The following LCP1 variants were observed in gnomAD, a reference collection of about 807,000 sequenced individuals.
LCP1 encodes lymphocyte cytosolic protein 1.
A neutral mutation model predicts 72.0 loss-of-function variants in LCP1; 23 were observed. The ratio of observed to expected loss-of-function variants is 0.32; its 90% CI spans 0.23 to 0.45. The LOEUF (loss-of-function observed/expected upper bound fraction) is 0.45, where lower values mean the gene tolerates loss of function less well. LCP1 is among the 20% of genes least tolerant of loss of function. LCP1 has a pLI of 1.00. For missense variants in LCP1, 571 were observed against 748.3 expected (o/e 0.76, Z 2.76); for synonymous variants, 245 against 275.4 (o/e 0.89, Z 1.09).
intron 1 of LCP1, chr13:46,168,603 T>C (rs1015599118): frequency 1.3e-5 from 2 of 152,442 alleles, no homozygotes; most frequent in Admixed American, 6.5e-5. Context: ...ACCTGTTTTA[T>C]GGGATGTTAC....
At chr13:46,159,825 G>T (rs1231945543) in intron 1 of LCP1, 139 bp from the exon 2 acceptor site, 6 of 620,582 alleles carry the variant, frequency 9.7e-6, no homozygotes, top group African/African-American at 9.2e-5. Flanking sequence ...TTTCCAAAAT[G>T]TAAGTCAGAA....
At chr13:46,161,942 C>G (rs7986930) in intron 1 of LCP1, among the ~76,000 whole-genome samples, 1,962 of 152,330 alleles carry the variant, frequency 0.013, 55 homozygotes, top group African/African-American at 0.044. Flanking sequence ...AATCTTCACA[C>G]AGGCTTTAAG....
At chr13:46,157,929 G>A (rs534861370) in intron 4 of LCP1, among the ~76,000 whole-genome samples, 3 of 151,994 alleles carry the variant, frequency 2.0e-5, no homozygotes, top group Non-Finnish European at 4.4e-5. Flanking sequence ...GTTTCACCAT[G>A]TTGCCCAGGC....
intron 12 of LCP1, chr13:46,142,695 C>A (rs1016203601): frequency 1.8e-6 from 1 of 550,166 alleles, no homozygotes; most frequent in Non-Finnish European, 3.4e-6. Flanking sequence ...TATCACACTG[C>A]AGAAATGGAG....
chr13:46,142,631 T>C (rs530886638), intron 12 of LCP1: 37 of 598,958 alleles, frequency 6.2e-5, no homozygotes, highest in African/African-American at 5.4e-4. Flanking sequence ...ATAAAAAATA[T>C]TCATAATGTG....
chr13:46,180,223 T>C (rs534624162), intron 1 of LCP1, among the ~76,000 whole-genome samples: 4 of 152,262 alleles, frequency 2.6e-5, no homozygotes, highest in African/African-American at 9.6e-5. Flanking sequence ...ATCTAGCCCA[T>C]TCCTTATCTC....
intron 13 of LCP1, 112 bp from the exon 14 acceptor site, chr13:46,134,362 G>A: frequency 3.6e-6 from 3 of 843,334 alleles, no homozygotes; most frequent in Non-Finnish European, 5.6e-6. Flanking sequence ...AAGACAGTCT[G>A]GACACCATTA....
chr13:46,162,998 G>A (rs1396724502), intron 1 of LCP1, among the ~76,000 whole-genome samples: 5 of 148,036 alleles, frequency 3.4e-5, no homozygotes, highest in African/African-American at 7.3e-5. Flanking sequence ...CAGCCGCCCC[G>A]TCGGGGAGGG....
chr13:46,146,809 T>G (rs1218303454), intron 10 of LCP1, 99 bp downstream of exon 10: 4 of 1,190,824 alleles, frequency 3.4e-6, no homozygotes, highest in Non-Finnish European at 3.8e-6. Flanking sequence ...TGTTTGCACA[T>G]GTAAATAGTT....
intron 15 of LCP1, among the ~76,000 whole-genome samples, chr13:46,128,884 T>TACTATGTTTACACCAGAC (rs2045617400): frequency 6.6e-6 from 1 of 150,986 alleles, no homozygotes; most frequent in Admixed American, 6.6e-5. Flanking sequence ...AGTGACCTCT[T>TACTATGTTTACACCAGAC]ACTATGGTTA....
At chr13:46,143,868 C>T (rs1361844396) in intron 11 of LCP1, among the ~76,000 whole-genome samples, 2 of 152,092 alleles carry the variant, frequency 1.3e-5, no homozygotes, top group Non-Finnish European at 2.9e-5. Flanking sequence ...AGATCAAGAC[C>T]ATCCTGGCCA....
chr13:46,159,090 T>TATC, intron 2 of LCP1, 101 bp from the exon 3 acceptor site: 1 of 1,072,656 alleles, frequency 9.3e-7, no homozygotes, highest in Admixed American at 1.8e-5. Flanking sequence ...CGAGAGAGGC[T>TATC]ATCATTCAGA....
chr13:46,165,379 CAAA>C (rs375432920), intron 1 of LCP1, among the ~76,000 whole-genome samples: 1 of 139,810 alleles, frequency 7.2e-6, no homozygotes, highest in African/African-American at 2.6e-5. Context: ...ATTTCAAAAA[CAAA>C]AAAAAAACAA....
rs1455009550 is a variant in LCP1, at chr13:46,148,862, AG to A, written c.883-416del. On this transcript the variant is annotated intron_variant, in intron 8 of 15. Transcript: ENST00000323076. Reference sequence around the variant, plus strand: ...AAAAAGGAAGCACAAGTTTAAAGCGAGTTTAAAATACATTTAAATGGACAAT... The same window carrying A: ...AAAAAGGAAGCACAAGTTTAAAGCGATTTAAAATACATTTAAATGGACAAT... 13 of 697,326 alleles carry A rather than the reference AG, an allele frequency of 1.9e-5. No homozygotes were observed. The African/African-American group carries it at 2.1e-4, about 11-fold the overall frequency. The allele number at this position is 697,326 out of a possible 1,614,324, so 43.2% of individuals were successfully genotyped here. A position where few individuals can be genotyped will look rare whatever the true frequency, so the allele number is the denominator to read the frequency against.
rs959484367 is a variant in LCP1 at position 46,145,685 on chromosome 13, G to A, written c.1175-1165C>T. On this transcript the variant is annotated intron_variant, in intron 10 of 15. Coordinates refer to ENST00000323076, the MANE Select transcript of LCP1 (RefSeq NM_002298.5). Reference sequence around the variant, plus strand: ...AGCACTTTGGGAGGCCGAGGCGGGCGGATCACGAGGTCAGGAGATCGAGAC... The same window carrying A: ...AGCACTTTGGGAGGCCGAGGCGGGCAGATCACGAGGTCAGGAGATCGAGAC... Among the ~76,000 whole-genome samples, 2 of 77,868 alleles carry A rather than the reference G, an allele frequency of 2.6e-5. 1 individual carries two copies. Among genetic ancestry groups the A allele is most frequent in the Admixed American group, 3.0e-4 (2 of 6,642 alleles). 51.1% of individuals were successfully genotyped at this position (77,868 alleles called of 152,430 possible).
intron 1 of LCP1, among the ~76,000 whole-genome samples, chr13:46,176,188 T>C (rs2045929285): frequency 6.6e-6 from 1 of 152,184 alleles, no homozygotes; most frequent in Non-Finnish European, 1.5e-5. Context: ...TTAAAATGGC[T>C]AGAAGAGAGG....
chr13:46,128,977 CAAATT>C (rs1221931430), intron 15 of LCP1, among the ~76,000 whole-genome samples: 1 of 152,082 alleles, frequency 6.6e-6, no homozygotes, highest in Non-Finnish European at 1.5e-5. Context: ...CTTTATTGAT[CAAATT>C]AAATTAAGAG....
intron 1 of LCP1, among the ~76,000 whole-genome samples, chr13:46,165,842 T>G (rs2045873364): frequency 2.0e-5 from 3 of 152,200 alleles, no homozygotes; most frequent in African/African-American, 7.2e-5. Flanking sequence ...GTTTTTTGTG[T>G]GAGTGCATGT....
At chr13:46,141,405 C>CAAAAAAAAAAAAA (rs762462829) in intron 13 of LCP1, among the ~76,000 whole-genome samples, 8 of 52,272 alleles carry the variant, frequency 1.5e-4, no homozygotes, top group African/African-American at 2.6e-4. Context: ...GACTCTGTCT[C>CAAAAAAAAAAAAA]AAAAAAAAAA....
Sources: gnomAD v4.1 joint callset for allele counts (sites outside exome capture counted in the v4.1 genomes callset) on GRCh38, gnomAD v4.1.1 for gene constraint, MANE v1.5 for transcripts, NCBI Gene and HGNC (gene_info 2026-07-23, HGNC 2026-07-21) for gene names.